Variants in CDH13 observed in about 807,000 individuals in gnomAD.
CDH13 encodes the protein cadherin 13.
In CDH13, 24 loss-of-function variants were observed where a neutral mutation model predicts 63.8. That is an observed-to-expected ratio of 0.38 (90% CI 0.27 to 0.53). CDH13 has a LOEUF of 0.53. Among genes scored for constraint, CDH13 ranks in the 20% least tolerant of loss-of-function variants. CDH13 has a pLI of 0.85. For synonymous variants in CDH13, 503 were observed against 355.3 expected (o/e 1.42, Z -4.67); for missense variants, 1,049 against 903.1 (o/e 1.16, Z -2.07).
At chr16:82,885,481 A>ATCCC (rs1567629810) in intron 2 of CDH13, among the ~76,000 whole-genome samples, 2 of 99,136 alleles carry the variant, frequency 2.0e-5, no homozygotes, top group African/African-American at 4.1e-5. Flanking sequence ...CCATCCATCC[A>ATCCC]CCCATCCATC....
intron 10 of CDH13, among the ~76,000 whole-genome samples, chr16:83,684,559 C>G (rs545736060): frequency 6.6e-6 from 1 of 152,214 alleles, no homozygotes; most frequent in African/African-American, 2.4e-5. Context: ...ACTTCTTTCT[C>G]TCTACAATCA....
rs2092174298 is a variant in CDH13, at chr16:83,414,657, G to A, written c.781+69651G>A. On this transcript the variant is annotated intron_variant, in intron 6 of 13. Transcript: ENST00000567109. ...CTATTTTGAGTACTTCATGTAAGTGGAACCATGCAGTATTAGTCTTTCTGA... is the reference window on the plus strand; with the variant it reads ...CTATTTTGAGTACTTCATGTAAGTGAAACCATGCAGTATTAGTCTTTCTGA... Among the ~76,000 whole-genome samples, 3 of 152,190 alleles carry A rather than the reference G, an allele frequency of 2.0e-5. No individual in the cohort carries two copies. In the South Asian group the frequency reaches 6.2e-4, roughly 32 times the overall value.
intron 4 of CDH13, among the ~76,000 whole-genome samples, chr16:83,191,475 A>ATT (rs1567492991): frequency 1.6e-5 from 2 of 123,690 alleles, no homozygotes; most frequent in Non-Finnish European, 3.4e-5. Context: ...ATATATATAT[A>ATT]TATATATATA....
chr16:82,896,523 T>G (rs2151232738), intron 2 of CDH13, among the ~76,000 whole-genome samples: 1 of 151,972 alleles, frequency 6.6e-6, no homozygotes, highest in Non-Finnish European at 1.5e-5. Flanking sequence ...CTCAAACTCC[T>G]GGGCTCAAGC....
intron 10 of CDH13, among the ~76,000 whole-genome samples, chr16:83,691,070 CCG>C (rs1491269737): frequency 8.5e-5 from 9 of 105,308 alleles, no homozygotes; most frequent in Admixed American, 8.5e-4. Flanking sequence ...ACCAACTGTG[CCG>C]TGTGTGTGTG....
At chr16:83,083,854 T>A (rs1270583749) in intron 3 of CDH13, among the ~76,000 whole-genome samples, 1 of 152,192 alleles carries the variant, frequency 6.6e-6, no homozygotes, top group Non-Finnish European at 1.5e-5. Context: ...TCCCACCCAT[T>A]TGCCTATCCC....
chr16:83,604,793 T>G (rs936429974), intron 8 of CDH13, among the ~76,000 whole-genome samples: 3 of 152,212 alleles, frequency 2.0e-5, no homozygotes, highest in Admixed American at 6.5e-5. Context: ...ACCCAAAATA[T>G]GAAGATGAAT....
At chr16:83,414,722 A>G (rs1265727716) in intron 6 of CDH13, among the ~76,000 whole-genome samples, 1 of 152,190 alleles carries the variant, frequency 6.6e-6, no homozygotes. Flanking sequence ...TTCAAGATTC[A>G]TCCATGTTGT....
intron 7 of CDH13, among the ~76,000 whole-genome samples, chr16:83,518,114 T>C (rs1320336229): frequency 6.6e-6 from 1 of 151,046 alleles, no homozygotes; most frequent in East Asian, 2.0e-4. Flanking sequence ...GTTCTCATGA[T>C]AATGAGTGAG....
intron 4 of CDH13, among the ~76,000 whole-genome samples, chr16:83,148,078 C>T (rs941824290): frequency 2.0e-5 from 3 of 152,188 alleles, no homozygotes; most frequent in African/African-American, 7.2e-5. Flanking sequence ...GCTGGGATTA[C>T]AGGCGTGCGC....
intron 5 of CDH13, among the ~76,000 whole-genome samples, chr16:83,341,037 C>T (rs1000699975): frequency 5.3e-5 from 8 of 152,126 alleles, no homozygotes; most frequent in Non-Finnish European, 1.2e-4. Flanking sequence ...TCTGCCATGC[C>T]TACCTATTTG....
At chr16:82,985,117 G>A (rs1910769846) in intron 2 of CDH13, among the ~76,000 whole-genome samples, 1 of 152,012 alleles carries the variant, frequency 6.6e-6, no homozygotes, top group African/African-American at 2.4e-5. Context: ...AGTAGTTGCT[G>A]TATTTCTCAT....
At chr16:83,656,268 C>G (rs1403268334) in intron 8 of CDH13, among the ~76,000 whole-genome samples, 2 of 152,170 alleles carry the variant, frequency 1.3e-5, no homozygotes, top group Non-Finnish European at 2.9e-5. Flanking sequence ...TTTCAGCCTT[C>G]ACAACATGAA....
chr16:83,234,111 C>T (rs913400640), intron 5 of CDH13, among the ~76,000 whole-genome samples: 2 of 152,298 alleles, frequency 1.3e-5, no homozygotes, highest in Non-Finnish European at 2.9e-5. Context: ...CTGGATGAAC[C>T]CCCAGGGGCA....
chr16:82,809,530 T>A (rs1597661073), intron 1 of CDH13, among the ~76,000 whole-genome samples: 1 of 152,156 alleles, frequency 6.6e-6, no homozygotes, highest in East Asian at 1.9e-4. Context: ...CGCTCAAATC[T>A]ATCAGAATAC....
chr16:83,082,724 C>G (rs1238686308), intron 3 of CDH13, among the ~76,000 whole-genome samples: 1 of 152,128 alleles, frequency 6.6e-6, no homozygotes, highest in Non-Finnish European at 1.5e-5. Context: ...GAGGAAATTT[C>G]ATTTATAAGG....
In CDH13 at chr16:83,031,996, C is replaced by G. The variant is rs766100928; in HGVS notation, c.158-14C>G. On this transcript the variant is annotated splice_polypyrimidine_tract_variant and intron_variant, in intron 2 of 13. Transcript: ENST00000567109. The stretch of plus-strand genomic sequence containing the variant: ...CCTACTCATGCTCCTTCTGTTGTTT[C>G]GTTTGTTTCCCAGTGACCTTCAGTG... The G allele has an allele frequency of 1.9e-5, 29 of 1,564,346 alleles. No homozygotes were observed. The highest frequency in any genetic ancestry group is 2.5e-5 in the Non-Finnish European group (29 of 1,152,656).
At chr16:82,666,768 C>T (rs1468093656) in intron 1 of CDH13, among the ~76,000 whole-genome samples, 1 of 152,156 alleles carries the variant, frequency 6.6e-6, no homozygotes, top group Non-Finnish European at 1.5e-5. Flanking sequence ...TGCTCAAGGT[C>T]ACACAGATGG....
chr16:83,232,227 T>TTTTTTA (rs3049884), intron 5 of CDH13, among the ~76,000 whole-genome samples: 1 of 67,638 alleles, frequency 1.5e-5, no homozygotes. Flanking sequence ...TTTTTTTTTT[T>TTTTTTA]AAAAAAAAAA....
Sources: gnomAD v4.1 joint callset for allele counts (sites outside exome capture counted in the v4.1 genomes callset) on GRCh38, gnomAD v4.1.1 for gene constraint, MANE v1.5 for transcripts, NCBI Gene and HGNC (gene_info 2026-07-23, HGNC 2026-07-21) for gene names.